The following CYRIB variants were observed in gnomAD, a reference collection of about 807,000 sequenced individuals.
CYRIB encodes CYFIP-related Rac1 interactor B.
CYRIB carries 8 observed loss-of-function variants against 44.2 expected under a neutral mutation model. That is an observed-to-expected ratio of 0.18 (90% CI 0.11 to 0.33). The LOEUF is 0.33. Ranked by LOEUF, CYRIB falls within the 10% of genes least tolerant of loss-of-function variation. The probability of loss-of-function intolerance (pLI) is 1.00; values close to 1 mark genes in which losing one functional copy is unlikely to be tolerated. For missense variants in CYRIB, 185 were observed against 382.8 expected, an observed-to-expected ratio of 0.48 and a Z score of 4.31; for synonymous variants, 131 against 127.2, an observed-to-expected ratio of 1.03 and a Z score of -0.20.
At chr8:129,968,391 T>C (rs2095566615) in intron 2 of CYRIB, among the ~76,000 whole-genome samples, 1 of 152,252 alleles carries the variant, frequency 6.6e-6, no homozygotes, top group Non-Finnish European at 1.5e-5. Flanking sequence ...ATATCATCCT[T>C]AGTTCTTAAT....
chr8:129,883,425 G>A (rs2061542333), intron 2 of CYRIB, among the ~76,000 whole-genome samples: 1 of 152,090 alleles, frequency 6.6e-6, no homozygotes, highest in Non-Finnish European at 1.5e-5. Flanking sequence ...ATAGCACACA[G>A]GACAGATGCT....
At chr8:129,959,576 AC>A (rs2095114050) in intron 2 of CYRIB, among the ~76,000 whole-genome samples, 1 of 152,066 alleles carries the variant, frequency 6.6e-6, no homozygotes, top group South Asian at 2.1e-4. Flanking sequence ...GGAGTTTGAG[AC>A]CAGACTGGGC....
intron 2 of CYRIB, among the ~76,000 whole-genome samples, chr8:129,955,252 CAA>C (rs34829432): frequency 0.017 from 1,733 of 102,806 alleles, 30 homozygotes; most frequent in African/African-American, 0.054. Context: ...AACTCCGTCT[CAA>C]AAAAAAAAAA....
At chr8:129,866,063 T>C (rs1449293614) in intron 4 of CYRIB, among the ~76,000 whole-genome samples, 1 of 152,198 alleles carries the variant, frequency 6.6e-6, no homozygotes, top group African/African-American at 2.4e-5. Flanking sequence ...ACTCACAGGC[T>C]ACAGAGAAAA....
intron 1 of CYRIB, among the ~76,000 whole-genome samples, chr8:130,001,690 C>G (rs2096912526): frequency 6.6e-6 from 1 of 151,842 alleles, no homozygotes; most frequent in Non-Finnish European, 1.5e-5. Context: ...CCACGCCTGG[C>G]TAGTTTTTTA....
intron 1 of CYRIB, among the ~76,000 whole-genome samples, chr8:129,919,888 C>A (rs2082645214): frequency 6.6e-6 from 1 of 152,024 alleles, no homozygotes. Context: ...TCCAAGAATT[C>A]AGAAGAACAC....
At chr8:129,944,952 C>T (rs189399309) in intron 2 of CYRIB, among the ~76,000 whole-genome samples, 183 of 152,276 alleles carry the variant, frequency 1.2e-3, no homozygotes, top group African/African-American at 4.2e-3. Flanking sequence ...CAGTTTCCTT[C>T]AGTTGCTAAA....
Position 129,928,255 on chromosome 8 carries a change from C to T in CYRIB, c.-50+11353G>A, listed in dbSNP as rs553866313. Among the ~76,000 whole-genome samples, 20 of 150,320 alleles carry T rather than the reference C, an allele frequency of 1.3e-4. No individual in the cohort carries two copies. The East Asian group carries it at 3.9e-3, about 30-fold the overall frequency. Reference sequence around the variant, plus strand: ...TAAGGAGGCAGAGGCAGGAGGATTACTTGAGCCCTGAGTTTGAGTCTAGCC... The same window carrying T: ...TAAGGAGGCAGAGGCAGGAGGATTATTTGAGCCCTGAGTTTGAGTCTAGCC... On this transcript the variant is annotated intron_variant, in intron 1 of 11. Transcript: ENST00000519824.
intron 3 of CYRIB, among the ~76,000 whole-genome samples, chr8:129,872,761 GT>G (rs1278614874): frequency 6.7e-6 from 1 of 150,246 alleles, no homozygotes; most frequent in Non-Finnish European, 1.5e-5. Context: ...GGTCTTTTAA[GT>G]TTAAAAATAT....
intron 1 of CYRIB, among the ~76,000 whole-genome samples, chr8:129,905,469 G>C (rs1429066285): frequency 6.6e-6 from 1 of 152,098 alleles, no homozygotes; most frequent in Non-Finnish European, 1.5e-5. Context: ...TGCCCACCTT[G>C]GCTTCCCAAA....
In CYRIB at chr8:129,933,346, G is replaced by A. The variant is rs75893602; in HGVS notation, c.-50+6262C>T. Among the ~76,000 whole-genome samples, 420 of 152,264 alleles carry A rather than the reference G, an allele frequency of 2.8e-3. 2 individuals are homozygous for A. Among genetic ancestry groups the A allele is most frequent in the African/African-American group, 9.6e-3 (398 of 41,544 alleles). On this transcript the variant is annotated intron_variant, in intron 1 of 11. Coordinates refer to ENST00000519824, the Ensembl canonical transcript of CYRIB. ...GATCCCCAAGATGGACTGAAGGCCA[G>A]ACATACTAGGAGGTTTGCCCAGAGA... is the stretch of plus-strand genomic sequence containing the variant.
chr8:129,978,916 A>C lies in CYRIB; in HGVS notation c.-295-7921T>G, dbSNP rs1591627241. Among the ~76,000 whole-genome samples, 3 of 152,138 alleles carry C rather than the reference A, an allele frequency of 2.0e-5. No individual in the cohort carries two copies. The South Asian group carries it at 6.2e-4, about 32-fold the overall frequency. On this transcript the variant is annotated intron_variant, in intron 1 of 14. Coordinates refer to the CYRIB transcript ENST00000401979. ...TTTGGGAGGCCAAGGCGGGCAGATC[A>C]CTTGAGGCCAGGAATTCGGGACCAG...
intron 1 of CYRIB, among the ~76,000 whole-genome samples, chr8:129,921,518 C>T (rs1012221559): frequency 8.5e-5 from 13 of 152,152 alleles, no homozygotes; most frequent in Non-Finnish European, 1.6e-4. Flanking sequence ...TGCAGCGGCA[C>T]GATCACAGTT....
intron 2 of CYRIB, among the ~76,000 whole-genome samples, chr8:129,962,229 G>A (rs926530225): frequency 1.3e-5 from 2 of 151,878 alleles, no homozygotes; most frequent in Non-Finnish European, 2.9e-5. Flanking sequence ...GGGCAACAGA[G>A]TGAAACCCTG....
At chr8:129,941,440 AT>A (rs554320458), upstream of CYRIB, among the ~76,000 whole-genome samples, 102 of 151,878 alleles carry the variant, frequency 6.7e-4, no homozygotes, top group African/African-American at 2.4e-3. Flanking sequence ...TGCCTGGCTA[AT>A]TTTTTGTATT....
intron 1 of CYRIB, among the ~76,000 whole-genome samples, chr8:129,990,312 AACAC>A (rs1196675817): frequency 1.3e-5 from 2 of 152,176 alleles, no homozygotes; most frequent in Non-Finnish European, 2.9e-5. Flanking sequence ...ATGTAGTCTT[AACAC>A]ACACATGCAT....
intron 2 of CYRIB, among the ~76,000 whole-genome samples, chr8:129,888,417 A>C (rs2063647120): frequency 6.6e-6 from 1 of 152,138 alleles, no homozygotes; most frequent in Non-Finnish European, 1.5e-5. Context: ...AACAGACTAA[A>C]ACAGAGGTCC....
chr8:129,905,615 C>T (rs2074912382), intron 1 of CYRIB, among the ~76,000 whole-genome samples: 1 of 152,090 alleles, frequency 6.6e-6, no homozygotes. Context: ...TGAATAAACA[C>T]TTTTTTTGCT....
intron 1 of CYRIB, among the ~76,000 whole-genome samples, chr8:130,013,140 T>C (rs1432316085): frequency 6.6e-6 from 1 of 152,222 alleles, no homozygotes; most frequent in Non-Finnish European, 1.5e-5. Flanking sequence ...CTGTTGTTGA[T>C]GATGATAACA....
Sources: allele counts gnomAD v4.1 joint callset (sites outside exome capture counted in the v4.1 genomes callset), GRCh38; gene constraint gnomAD v4.1.1; transcripts MANE v1.5; gene names NCBI Gene and HGNC (gene_info 2026-07-23, HGNC 2026-07-21).